The following FARP2 variants were observed in gnomAD, a reference collection of about 807,000 sequenced individuals.
FARP2 encodes FERM, ARHGEF and pleckstrin domain-containing protein 2.
In FARP2, 111 loss-of-function variants were observed where a neutral mutation model predicts 130.5. That is an observed-to-expected ratio of 0.85 (90% CI 0.73 to 1.00). The LOEUF is 1.00. Among genes scored for constraint, FARP2 ranks in the 50% least tolerant of loss-of-function variants. FARP2 has a pLI of 0.00. For missense variants in FARP2, 1,385 were observed against 1,346.3 expected, an observed-to-expected ratio of 1.03 and a Z score of -0.45; for synonymous variants, 504 against 516.9, an observed-to-expected ratio of 0.98 and a Z score of 0.34.
intron 2 of FARP2, among the ~76,000 whole-genome samples, chr2:241,395,001 C>T (rs1209561395): frequency 1.3e-5 from 2 of 152,176 alleles, no homozygotes; most frequent in Non-Finnish European, 2.9e-5. Flanking sequence ...TTGGAGAGGC[C>T]GTGTGCCAGG....
chr2:241,462,201 A>G (rs755221510), intron 14 of FARP2, among the ~76,000 whole-genome samples: 6 of 152,242 alleles, frequency 3.9e-5, no homozygotes, highest in Non-Finnish European at 8.8e-5. Flanking sequence ...ATTTATAAGC[A>G]CACACACACT....
At chr2:241,449,420 G>A (rs2063593444) in intron 13 of FARP2, among the ~76,000 whole-genome samples, 1 of 152,152 alleles carries the variant, frequency 6.6e-6, no homozygotes, top group South Asian at 2.1e-4. Flanking sequence ...TTGCCAAGCA[G>A]GAGCTGATTC....
chr2:241,386,682 G>A lies in FARP2; in HGVS notation c.183+13392G>A, dbSNP rs1265856408. ...GGTAGAGATTCCAGCTGTGCTGTTA[G>A]CAAGCTCCTTCTGTGCAGGCTCCAG... On this transcript the variant is annotated intron_variant, in intron 2 of 26. Coordinates refer to ENST00000264042, the MANE Select transcript of FARP2 (RefSeq NM_014808.4). The A allele has an allele frequency of 2.6e-5, 4 of 152,234 alleles. No individual in the cohort carries two copies. In the East Asian group the frequency reaches 5.8e-4, roughly 22 times the overall value. 9.4% of individuals were successfully genotyped at this position (152,234 alleles called of 1,614,324 possible).
intron 2 of FARP2, among the ~76,000 whole-genome samples, chr2:241,379,727 G>A (rs1559714857): frequency 6.6e-6 from 1 of 152,168 alleles, no homozygotes; most frequent in Non-Finnish European, 1.5e-5. Flanking sequence ...AACTGCCTTA[G>A]AACTTATTTT....
intron 21 of FARP2, among the ~76,000 whole-genome samples, chr2:241,486,732 G>A (rs908105371): frequency 6.6e-6 from 1 of 152,172 alleles, no homozygotes; most frequent in Non-Finnish European, 1.5e-5. Context: ...CCTTAATTAT[G>A]TCCTTCAGAT....
rs533100314 is a variant in FARP2, at chr2:241,458,890, C to G, written c.1587+1968C>G. On this transcript the variant is annotated intron_variant, in intron 14 of 26. Coordinates refer to ENST00000264042, the MANE Select transcript of FARP2 (RefSeq NM_014808.4). ...GGGGCCAGCAGCATGGCAAGGCCCT[C>G]TGGGATGGGGGCACCTCAGGGTCCT... Among the ~76,000 whole-genome samples, 86 of 152,344 alleles carry G rather than the reference C, an allele frequency of 5.6e-4. No homozygotes were observed. The Middle Eastern group carries it at 0.01, about 18-fold the overall frequency.
chr2:241,418,293 C>T (rs1226062892), intron 8 of FARP2, among the ~76,000 whole-genome samples, 184 bp downstream of exon 8: 2 of 152,160 alleles, frequency 1.3e-5, no homozygotes, highest in Admixed American at 1.3e-4. Context: ...AATCTTTTGT[C>T]CTTCTCTGAC....
At chr2:241,449,160 G>A (rs2063584514) in intron 13 of FARP2, among the ~76,000 whole-genome samples, 1 of 152,116 alleles carries the variant, frequency 6.6e-6, no homozygotes, top group Admixed American at 6.5e-5. Context: ...CTTTTCTTCT[G>A]GAATTAACAA....
At chr2:241,483,205 G>A (rs1035958827) in intron 19 of FARP2, among the ~76,000 whole-genome samples, 1 of 152,144 alleles carries the variant, frequency 6.6e-6, no homozygotes, top group African/African-American at 2.4e-5. Flanking sequence ...TTGTATCAGG[G>A]CTCCAGGGCT....
intron 17 of FARP2, chr2:241,465,643 C>T (rs1452009377): frequency 4.5e-6 from 7 of 1,550,848 alleles, no homozygotes; most frequent in African/African-American, 4.1e-5. Flanking sequence ...TCTTGCTTAA[C>T]GTGCCTGGAA....
At chr2:241,359,158 TGAG>T (rs1360197031) in intron 1 of FARP2, among the ~76,000 whole-genome samples, 2 of 152,208 alleles carry the variant, frequency 1.3e-5, no homozygotes, top group South Asian at 2.1e-4. Flanking sequence ...TAAAAATACA[TGAG>T]GAGGTGAACA....
chr2:241,410,794 C>T (rs1468984899), intron 5 of FARP2: 4 of 469,798 alleles, frequency 8.5e-6, no homozygotes, highest in Non-Finnish European at 1.2e-5. Flanking sequence ...TTTGCGCTCT[C>T]CCATGTGTGT....
chr2:241,359,142 G>A lies in FARP2; in HGVS notation c.-25+2754G>A, dbSNP rs564285515. 3.9e-5 allele frequency among the ~76,000 whole-genome samples: 6 copies of A among 152,336 alleles called. No individual in the cohort carries two copies. In the South Asian group the frequency reaches 1.2e-3, roughly 32 times the overall value. On this transcript the variant is annotated intron_variant, in intron 1 of 26. Transcript: ENST00000264042. ...AAATGGTGTGTACACAGCAATCATA[G>A]TGTTGTAAAAATACATGAGGAGGTG...
intron 24 of FARP2, among the ~76,000 whole-genome samples, chr2:241,492,088 GC>G (rs2064937027): frequency 6.6e-6 from 1 of 152,204 alleles, no homozygotes; most frequent in African/African-American, 2.4e-5. Flanking sequence ...CACTGCATGG[GC>G]CCGGTCTGCC....
intron 2 of FARP2, among the ~76,000 whole-genome samples, chr2:241,393,999 G>A (rs536891610): frequency 3.9e-5 from 6 of 152,298 alleles, no homozygotes; most frequent in African/African-American, 1.4e-4. Context: ...TCAGCAGGAA[G>A]CACAGTGTGA....
intron 18 of FARP2, among the ~76,000 whole-genome samples, chr2:241,474,175 G>A (rs1002713446): frequency 2.0e-5 from 3 of 151,476 alleles, no homozygotes; most frequent in South Asian, 2.1e-4. Context: ...GCGTGGTGGC[G>A]GGTGCCTGTA....
chr2:241,445,352 T>C (rs1428717005), intron 13 of FARP2: 1 of 152,014 alleles, frequency 6.6e-6, no homozygotes, highest in Non-Finnish European at 1.5e-5. Context: ...CCAGAGGGGA[T>C]TTAGACACGG....
intron 21 of FARP2, among the ~76,000 whole-genome samples, chr2:241,484,756 G>C (rs1026140645): frequency 2.0e-5 from 3 of 152,122 alleles, no homozygotes; most frequent in African/African-American, 7.3e-5. Flanking sequence ...CCTCATTTTA[G>C]CATGATCCAG....
chr2:241,462,864 AT>A (rs2064061984), intron 15 of FARP2, among the ~76,000 whole-genome samples: 1 of 151,568 alleles, frequency 6.6e-6, no homozygotes, highest in Admixed American at 6.6e-5. Context: ...TAATTTTTGT[AT>A]TTTTAGTAGA....
Sources: allele counts gnomAD v4.1 joint callset (sites outside exome capture counted in the v4.1 genomes callset), GRCh38; gene constraint gnomAD v4.1.1; transcripts MANE v1.5; gene names NCBI Gene and HGNC (gene_info 2026-07-23, HGNC 2026-07-21).